Variants in SYTL5 observed in about 807,000 individuals in gnomAD.
The protein encoded by SYTL5 is synaptotagmin-like protein 5.
SYTL5 carries 34 observed loss-of-function variants against 55.9 expected under a neutral mutation model. That is an observed-to-expected ratio of 0.61 (90% CI 0.46 to 0.81). The LOEUF is 0.81. Among genes scored for constraint, SYTL5 ranks in the 30% least tolerant of loss-of-function variants. The pLI is 0.00. For missense variants in SYTL5, 637 were observed against 546.7 expected (o/e 1.17, Z -1.65); for synonymous variants, 221 against 188.7 (o/e 1.17, Z -1.40).
At chrX:37,981,703 GAACA>G in the SYTL5 span, among the ~76,000 whole-genome samples, 4 of 111,795 alleles carry the variant, frequency 3.6e-5, no homozygotes, top group Non-Finnish European at 5.6e-5. Flanking sequence ...AGAAGCAACA[GAACA>G]ATCAGCCAGT....
At chrX:38,110,193 C>T in intron 12 of SYTL5, 128 bp from the exon 13 acceptor site, 1 of 418,366 alleles carries the variant, frequency 2.4e-6, no homozygotes, top group Non-Finnish European at 3.8e-6. Context: ...AAAGAGTTTT[C>T]TTTGTGTTTG....
At chrX:38,004,978 C>A (rs1012154394), upstream of SYTL5, among the ~76,000 whole-genome samples, 3 of 111,464 alleles carry the variant, frequency 2.7e-5, no homozygotes. Flanking sequence ...ATGGATACCC[C>A]ATTTACCCTG....
intron 3 of SYTL5, among the ~76,000 whole-genome samples, chrX:38,062,771 T>G (rs1935991756): frequency 8.9e-6 from 1 of 112,177 alleles, no homozygotes; most frequent in African/African-American, 3.2e-5. Context: ...TGTAATCTTA[T>G]CTAAGCATAG....
the SYTL5 span, among the ~76,000 whole-genome samples, chrX:37,947,733 C>T: frequency 9.0e-6 from 1 of 111,177 alleles, no homozygotes; most frequent in East Asian, 2.8e-4. Flanking sequence ...GGCAGACAGA[C>T]TTTGGTGTAG....
chrX:38,084,945 A>G (rs780317812), intron 6 of SYTL5, among the ~76,000 whole-genome samples: 1 of 111,191 alleles, frequency 9.0e-6, no homozygotes, highest in East Asian at 2.8e-4. Context: ...TTTTTCAACC[A>G]TTTAAAAATG....
the SYTL5 span, among the ~76,000 whole-genome samples, chrX:37,993,004 A>T: frequency 6.7e-5 from 7 of 105,126 alleles, no homozygotes; most frequent in Non-Finnish European, 9.9e-5. Flanking sequence ...ATCCAAATAT[A>T]AAAAAAAAAA....
At chrX:38,046,477 AT>A (rs1935464610) in intron 2 of SYTL5, among the ~76,000 whole-genome samples, 1 of 111,494 alleles carries the variant, frequency 9.0e-6, no homozygotes, top group Admixed American at 9.5e-5. Context: ...CTTATTCACT[AT>A]CATGAGAATA....
the SYTL5 span, among the ~76,000 whole-genome samples, chrX:37,918,948 T>A: frequency 1.1e-5 from 1 of 95,098 alleles, no homozygotes; most frequent in Non-Finnish European, 2.1e-5. Context: ...TGTGAGTGAG[T>A]GTGTGTGTGT....
chrX:37,930,157 G>A, the SYTL5 span, among the ~76,000 whole-genome samples: 1 of 111,795 alleles, frequency 8.9e-6, no homozygotes, highest in African/African-American at 3.2e-5. Flanking sequence ...GGTAACCCTG[G>A]TTTAACTAGT....
chrX:38,020,408 CATATATATAT>C (rs59575156), intron 1 of SYTL5, among the ~76,000 whole-genome samples: 3,563 of 58,511 alleles, frequency 0.061, 142 homozygotes, highest in African/African-American at 0.13. Flanking sequence ...TATGTGTGTG[CATATATATAT>C]ATATATATAT....
At chrX:38,069,589 T>A (rs1936199862) in intron 3 of SYTL5, among the ~76,000 whole-genome samples, 1 of 112,419 alleles carries the variant, frequency 8.9e-6, no homozygotes, top group African/African-American at 3.2e-5. Context: ...TTCTCATATT[T>A]GCAATCTGAC....
intron 3 of SYTL5, among the ~76,000 whole-genome samples, chrX:38,067,973 A>C (rs1276620718): frequency 8.9e-6 from 1 of 112,261 alleles, no homozygotes; most frequent in Non-Finnish European, 1.9e-5. Flanking sequence ...TACACAGCAA[A>C]AGAAACTAAC....
At chrX:37,974,524 G>A in the SYTL5 span, among the ~76,000 whole-genome samples, 3 of 111,786 alleles carry the variant, frequency 2.7e-5, no homozygotes, top group Admixed American at 2.9e-4. Context: ...GTACAATATT[G>A]TAAATGTACT....
the SYTL5 span, chrX:37,990,861 A>G: frequency 1.7e-6 from 2 of 1,205,548 alleles, no homozygotes; most frequent in Non-Finnish European, 2.2e-6. Context: ...AAAGAACTGT[A>G]AGAACTCGTC....
chrX:38,069,162 T>A (rs949267254), intron 3 of SYTL5, among the ~76,000 whole-genome samples: 1 of 112,071 alleles, frequency 8.9e-6, no homozygotes, highest in African/African-American at 3.2e-5. Context: ...TTACAACCTA[T>A]GCAATTTCCT....
chrX:37,921,184 C>T, the SYTL5 span, among the ~76,000 whole-genome samples: 332 of 111,526 alleles, frequency 3.0e-3, 1 homozygote, highest in African/African-American at 0.01. Flanking sequence ...TGGAAACTGT[C>T]ATGGAGAAGT....
At chrX:37,952,381 T>C in the SYTL5 span, among the ~76,000 whole-genome samples, 6 of 111,684 alleles carry the variant, frequency 5.4e-5, no homozygotes, top group East Asian at 8.5e-4. Context: ...ACTTATGGGC[T>C]AGCCAAGAAA....
chrX:38,102,981 C>T (rs1227682032), intron 10 of SYTL5: 2 of 964,958 alleles, frequency 2.1e-6, no homozygotes, highest in South Asian at 4.4e-5. Flanking sequence ...ATTTCTGTTG[C>T]TCTGATGCTT....
intron 5 of SYTL5, 130 bp from the exon 6 acceptor site, chrX:38,076,437 C>T (rs748435389): frequency 1.8e-6 from 1 of 547,643 alleles, no homozygotes; most frequent in Non-Finnish European, 2.8e-6. Flanking sequence ...CTCTCCAGAA[C>T]CTCTCAGCCC....
Sources: allele counts gnomAD v4.1 joint callset (sites outside exome capture counted in the v4.1 genomes callset), GRCh38; gene constraint gnomAD v4.1.1; transcripts MANE v1.5; gene names NCBI Gene and HGNC (gene_info 2026-07-23, HGNC 2026-07-21).